The following GNAL variants were observed in gnomAD, a reference collection of about 807,000 sequenced individuals.
The protein encoded by GNAL is guanine nucleotide-binding protein G(olf) subunit alpha.
GNAL carries 18 observed loss-of-function variants against 55.1 expected under a neutral mutation model. That is an observed-to-expected ratio of 0.33 (90% confidence interval 0.23 to 0.48). The LOEUF (loss-of-function observed/expected upper bound fraction) is 0.48. GNAL is among the 20% of genes least tolerant of loss of function. The pLI, the probability that GNAL is intolerant of heterozygous loss-of-function variation, is 0.99. For missense variants in GNAL, 412 were observed against 614.1 expected (o/e 0.67, Z 3.48); for synonymous variants, 253 against 237.0 (o/e 1.07, Z -0.62).
intron 4 of GNAL, among the ~76,000 whole-genome samples, chr18:11,800,534 A>G (rs111970913): frequency 2.6e-4 from 39 of 152,312 alleles, no homozygotes; most frequent in African/African-American, 8.9e-4. Flanking sequence ...TTGCTGGGAA[A>G]AGGAGGTATA....
At chr18:11,808,463 G>A (rs1033622895) in intron 4 of GNAL, among the ~76,000 whole-genome samples, 1 of 152,196 alleles carries the variant, frequency 6.6e-6, no homozygotes, top group Non-Finnish European at 1.5e-5. Flanking sequence ...TTAGATAAGT[G>A]TTACCCTCAT....
chr18:11,833,289 C>G (rs759042832), intron 5 of GNAL, among the ~76,000 whole-genome samples: 25 of 152,294 alleles, frequency 1.6e-4, no homozygotes, highest in Non-Finnish European at 3.2e-4. Flanking sequence ...CCTTGGCTCC[C>G]AAAGTGCTGG....
intron 4 of GNAL, among the ~76,000 whole-genome samples, chr18:11,824,524 C>T (rs887197282): frequency 3.6e-4 from 54 of 151,744 alleles, no homozygotes; most frequent in African/African-American, 1.3e-3. Context: ...CCCGTCTCTA[C>T]TAAAGATACA....
At chr18:11,696,269 G>T (rs8099342) in intron 1 of GNAL, among the ~76,000 whole-genome samples, 53,852 of 151,814 alleles carry the variant, frequency 0.35, 13,191 homozygotes, top group African/African-American at 0.7. Flanking sequence ...TTGGGAGGCC[G>T]AGGCGGGTGG....
rs142750505 is a variant in GNAL at position 11,760,142 on chromosome 18, G to A, written c.624+6197G>A. Among the ~76,000 whole-genome samples, 168 of 152,204 alleles carry A rather than the reference G, an allele frequency of 1.1e-3. 1 individual carries two copies. The highest frequency in any genetic ancestry group is 3.9e-3 in the African/African-American group (163 of 41,528). ...TCGCTCTTGGAGTGCATCTCCTGCT[G>A]GGTGCGCTACAAACAATCTCCATGT... On this transcript the variant is annotated intron_variant, in intron 4 of 11. Coordinates refer to ENST00000334049, the MANE Select transcript of GNAL (RefSeq NM_182978.4).
At chr18:11,777,327 T>TC (rs2033812441) in intron 4 of GNAL, among the ~76,000 whole-genome samples, 1 of 152,214 alleles carries the variant, frequency 6.6e-6, no homozygotes, top group Admixed American at 6.5e-5. Context: ...CACAGTCAGC[T>TC]CCCTGTGTTA....
chr18:11,860,263 G>A (rs1598434507), intron 5 of GNAL, among the ~76,000 whole-genome samples: 1 of 152,212 alleles, frequency 6.6e-6, no homozygotes, highest in Non-Finnish European at 1.5e-5. Flanking sequence ...CCCTGGGGGT[G>A]CCAAACCCAA....
chr18:11,807,279 T>C (rs2034689287), intron 4 of GNAL, among the ~76,000 whole-genome samples: 1 of 152,222 alleles, frequency 6.6e-6, no homozygotes, highest in East Asian at 1.9e-4. Flanking sequence ...CCACCTGTAA[T>C]GCGATTTGAC....
rs28418348 is a variant in GNAL, at chr18:11,722,965, C to T, written c.377-29888C>T. 2.4e-3 allele frequency among the ~76,000 whole-genome samples: 350 copies of T among 143,564 alleles called. 3 individuals carry two copies. Among genetic ancestry groups the T allele is most frequent in the African/African-American group, 8.3e-3 (323 of 38,974 alleles). 94.2% of individuals were successfully genotyped at this position (143,564 alleles called of 152,430 possible). The stretch of plus-strand genomic sequence containing the variant: ...GGCGGAGGTTGCAGTGAGCCAAGAT[C>T]GCGCTATTGCACTCCAGCCTGGGCA... On this transcript the variant is annotated intron_variant, in intron 1 of 11. Coordinates refer to ENST00000334049, the MANE Select transcript of GNAL (RefSeq NM_182978.4).
chr18:11,877,567 G>A (rs1461332302), intron 11 of GNAL, among the ~76,000 whole-genome samples: 5 of 152,188 alleles, frequency 3.3e-5, no homozygotes, highest in Non-Finnish European at 5.9e-5. Flanking sequence ...AACCTACAGC[G>A]TATAGCTAGC....
chr18:11,833,491 T>G (rs1184600927), intron 5 of GNAL: 1 of 152,254 alleles, frequency 6.6e-6, no homozygotes, highest in South Asian at 2.1e-4. Flanking sequence ...ACATGTTTCT[T>G]TTATTCTCCT....
chr18:11,724,478 C>G (rs1312766732), intron 1 of GNAL, among the ~76,000 whole-genome samples: 1 of 152,218 alleles, frequency 6.6e-6, no homozygotes, highest in African/African-American at 2.4e-5. Context: ...TAGCTGTTCT[C>G]TTATTGGGGG....
At chr18:11,727,987 G>T (rs777651957) in intron 1 of GNAL, among the ~76,000 whole-genome samples, 1 of 152,170 alleles carries the variant, frequency 6.6e-6, no homozygotes, top group Non-Finnish European at 1.5e-5. Flanking sequence ...AACAATCTGG[G>T]ATGCTGAGGC....
intron 4 of GNAL, among the ~76,000 whole-genome samples, chr18:11,820,622 G>A (rs1216759086): frequency 6.6e-6 from 1 of 152,192 alleles, no homozygotes; most frequent in African/African-American, 2.4e-5. Context: ...TGAGTAATGG[G>A]TACCTGGAGA....
rs574205733 is a variant in GNAL at position 11,856,201 on chromosome 18, CCT to C, written c.723-6193_723-6192del. Among the ~76,000 whole-genome samples the C allele has an allele frequency of 8.6e-5, 13 of 151,462 alleles. No homozygotes were observed. In the East Asian group the frequency reaches 1.5e-3, roughly 18 times the overall value. ...CACTAAGGAAACTGATGAGCAGACCCCTGTTTTTGTTTTTGTGTTGAATCAAC... is the reference window on the plus strand; with the variant it reads ...CACTAAGGAAACTGATGAGCAGACCCGTTTTTGTTTTTGTGTTGAATCAAC... On this transcript the variant is annotated intron_variant, in intron 5 of 11. Coordinates refer to ENST00000334049, the MANE Select transcript of GNAL (RefSeq NM_182978.4).
intron 1 of GNAL, among the ~76,000 whole-genome samples, chr18:11,711,215 A>G (rs963505752): frequency 1.2e-4 from 18 of 152,160 alleles, no homozygotes; most frequent in South Asian, 2.1e-4. Flanking sequence ...TTCGTGATTC[A>G]TTGAGCTTCA....
chr18:11,837,384 C>T (rs2035519986), intron 5 of GNAL, among the ~76,000 whole-genome samples: 1 of 152,172 alleles, frequency 6.6e-6, no homozygotes, highest in South Asian at 2.1e-4. Context: ...TGATAAAGGA[C>T]TTGTATCTAG....
intron 4 of GNAL, among the ~76,000 whole-genome samples, chr18:11,789,151 C>T (rs537916302): frequency 6.6e-6 from 1 of 151,934 alleles, no homozygotes; most frequent in South Asian, 2.1e-4. Context: ...CTCTGCCAAC[C>T]CTGCCACAAC....
rs865960030 is a variant in GNAL at position 11,872,825 on chromosome 18, C to T, written c.1162+427C>T. 8.5e-5 allele frequency among the ~76,000 whole-genome samples: 13 copies of T among 152,322 alleles called. No homozygotes were observed. The Middle Eastern group carries it at 0.01, about 120-fold the overall frequency. ...AGAGAGTCTGAGAGAGGAGAGATAG[C>T]GTGTTCAAAGCCACACGGGTAGAGT... On this transcript the variant is annotated intron_variant, in intron 10 of 11. Transcript: ENST00000334049.
Sources: allele counts gnomAD v4.1 joint callset (sites outside exome capture counted in the v4.1 genomes callset), GRCh38; gene constraint gnomAD v4.1.1; transcripts MANE v1.5; gene names NCBI Gene and HGNC (gene_info 2026-07-23, HGNC 2026-07-21).